Variants in ARHGAP42 observed in about 807,000 individuals in gnomAD.
The protein encoded by ARHGAP42 is Rho GTPase activating protein 42.
In ARHGAP42, 63 loss-of-function variants were observed where a neutral mutation model predicts 125.0. That is an observed-to-expected ratio of 0.50 (90% CI 0.41 to 0.62). The LOEUF is 0.62. Among genes scored for constraint, ARHGAP42 ranks in the 20% least tolerant of loss-of-function variants. The pLI is 0.00. For synonymous variants in ARHGAP42, 339 were observed against 351.0 expected, an observed-to-expected ratio of 0.97 and a Z score of 0.38; for missense variants, 766 against 1,024.2, an observed-to-expected ratio of 0.75 and a Z score of 3.44.
intron 4 of ARHGAP42, among the ~76,000 whole-genome samples, chr11:100,896,592 A>G (rs1343067224): frequency 6.6e-6 from 1 of 152,188 alleles, no homozygotes; most frequent in Non-Finnish European, 1.5e-5. Flanking sequence ...ATGACTAGTG[A>G]TGATGAGCAT....
At chr11:100,817,467 T>C (rs1209612386) in intron 3 of ARHGAP42, among the ~76,000 whole-genome samples, 3 of 152,200 alleles carry the variant, frequency 2.0e-5, no homozygotes, top group Non-Finnish European at 4.4e-5. Flanking sequence ...CTTTATTCTT[T>C]TTTGTGCCCA....
intron 4 of ARHGAP42, among the ~76,000 whole-genome samples, chr11:100,897,653 G>A (rs538420192): frequency 1.6e-4 from 25 of 152,222 alleles, no homozygotes; most frequent in African/African-American, 6.0e-4. Context: ...TCTGTAATTG[G>A]TGTATAGGAA....
chr11:100,768,096 A>T (rs181461687), intron 1 of ARHGAP42, among the ~76,000 whole-genome samples: 1 of 152,270 alleles, frequency 6.6e-6, no homozygotes, highest in East Asian at 1.9e-4. Context: ...TCCTGGCGTT[A>T]TGTCTAGGCA....
At chr11:100,722,192 C>T (rs1010463856) in intron 1 of ARHGAP42, among the ~76,000 whole-genome samples, 1 of 152,104 alleles carries the variant, frequency 6.6e-6, no homozygotes, top group African/African-American at 2.4e-5. Flanking sequence ...TTCCTAATGA[C>T]ATATAACATT....
chr11:100,822,828 T>C (rs905385887), intron 3 of ARHGAP42, among the ~76,000 whole-genome samples: 2 of 152,156 alleles, frequency 1.3e-5, no homozygotes, highest in Non-Finnish European at 2.9e-5. Flanking sequence ...TTAGATAATT[T>C]AGTGGCAACA....
chr11:100,733,575 GCA>G (rs773719624), intron 1 of ARHGAP42, among the ~76,000 whole-genome samples: 2 of 152,124 alleles, frequency 1.3e-5, no homozygotes, highest in Non-Finnish European at 2.9e-5. Context: ...TGTAATCCCA[GCA>G]CTCTGGGCGG....
intron 12 of ARHGAP42, among the ~76,000 whole-genome samples, chr11:100,952,814 G>A (rs1171617071): frequency 4.4e-5 from 6 of 136,364 alleles, no homozygotes; most frequent in African/African-American, 1.4e-4. Context: ...TGTAACCTCC[G>A]CCTCCTGGGT....
chr11:100,851,775 A>T lies in ARHGAP42; in HGVS notation c.313-7779A>T, dbSNP rs1865209971. On this transcript the variant is annotated intron_variant, in intron 3 of 23. Transcript: ENST00000298815. Reference sequence around the variant, plus strand: ...ATTGTTAAGCAATGCGTAATTACGTATTTGGCTCCAGGCAGTGGTATGTTG... The same window carrying T: ...ATTGTTAAGCAATGCGTAATTACGTTTTTGGCTCCAGGCAGTGGTATGTTG... 3.3e-5 allele frequency among the ~76,000 whole-genome samples: 5 copies of T among 152,150 alleles called. 1 individual carries two copies. In the South Asian group the frequency reaches 1.0e-3, roughly 32 times the overall value.
chr11:100,751,580 A>G (rs1178634397), intron 1 of ARHGAP42, among the ~76,000 whole-genome samples: 6 of 151,772 alleles, frequency 4.0e-5, no homozygotes, highest in African/African-American at 1.5e-4. Context: ...GGTAAATGCA[A>G]TACCCAGTGG....
At chr11:100,845,083 A>G (rs1412309768) in intron 3 of ARHGAP42, among the ~76,000 whole-genome samples, 2 of 151,824 alleles carry the variant, frequency 1.3e-5, no homozygotes, top group South Asian at 2.1e-4. Context: ...TGTGATATAT[A>G]TATATATATA....
chr11:100,699,211 T>G (rs1861347425), intron 1 of ARHGAP42, among the ~76,000 whole-genome samples: 2 of 151,982 alleles, frequency 1.3e-5, no homozygotes, highest in African/African-American at 4.8e-5. Flanking sequence ...TCAGACTCAA[T>G]CTGTCAAAAA....
At chr11:100,908,529 A>G (rs1304781645) in intron 4 of ARHGAP42, among the ~76,000 whole-genome samples, 3 of 152,150 alleles carry the variant, frequency 2.0e-5, no homozygotes, top group Admixed American at 6.5e-5. Flanking sequence ...TCTTAGGATA[A>G]TGGCCCCCAG....
At chr11:100,867,211 C>G (rs576177244) in intron 4 of ARHGAP42, among the ~76,000 whole-genome samples, 60 of 152,352 alleles carry the variant, frequency 3.9e-4, no homozygotes, top group African/African-American at 1.3e-3. Flanking sequence ...GCTGCATTAG[C>G]CCCTAACAAG....
intron 3 of ARHGAP42, among the ~76,000 whole-genome samples, chr11:100,814,800 C>T (rs1360300057): frequency 6.6e-6 from 1 of 152,248 alleles, no homozygotes; most frequent in East Asian, 1.9e-4. Context: ...CCAGTCCCTT[C>T]TCACTAGGCC....
Position 100,990,419 on chromosome 11 carries a change from T to C in ARHGAP42, c.*1618T>C, listed in dbSNP as rs1858802771. On this transcript the variant is annotated 3_prime_UTR_variant, in exon 24 of 24. Transcript: ENST00000298815. The stretch of plus-strand genomic sequence containing the variant: ...CAACTATGCCTCAGAAAAGTTAGGC[T>C]TTTACAAATAAAAAGAATAAGATTA... The C allele has an allele frequency of 2.0e-5, 3 of 152,082 alleles. No homozygotes were observed. Among genetic ancestry groups the C allele is most frequent in the African/African-American group, 7.2e-5 (3 of 41,408 alleles). 9.4% of individuals were successfully genotyped at this position (152,082 alleles called of 1,614,324 possible). A position where few individuals can be genotyped will look rare whatever the true frequency, so the allele number is the denominator to read the frequency against.
intron 1 of ARHGAP42, among the ~76,000 whole-genome samples, chr11:100,731,281 C>A (rs995698188): frequency 1.3e-5 from 2 of 152,020 alleles, no homozygotes; most frequent in Non-Finnish European, 2.9e-5. Flanking sequence ...GCCTCAGCCT[C>A]CCGAGTAGCT....
intron 1 of ARHGAP42, among the ~76,000 whole-genome samples, chr11:100,690,573 T>C (rs1484632592): frequency 1.3e-5 from 2 of 152,176 alleles, no homozygotes; most frequent in African/African-American, 4.8e-5. Flanking sequence ...AACACGTGTT[T>C]AAATATCCAA....
chr11:100,765,948 A>G (rs560177393), intron 1 of ARHGAP42, among the ~76,000 whole-genome samples: 1 of 152,186 alleles, frequency 6.6e-6, no homozygotes, highest in South Asian at 2.1e-4. Context: ...AACACTTCCA[A>G]AATAAAAGGG....
chr11:100,978,964 T>G, intron 21 of ARHGAP42, 23 bp from the exon 22 acceptor site: 2 of 1,551,056 alleles, frequency 1.3e-6, no homozygotes, highest in Non-Finnish European at 8.7e-7. Context: ...TTCATGAAAC[T>G]TGCATTTTAA....
Sources: allele counts gnomAD v4.1 joint callset (sites outside exome capture counted in the v4.1 genomes callset), GRCh38; gene constraint gnomAD v4.1.1; transcripts MANE v1.5; gene names NCBI Gene and HGNC (gene_info 2026-07-23, HGNC 2026-07-21).